CMKLR1: variants seen among roughly 807,000 people sequenced by gnomAD.
CMKLR1 encodes the protein chemerin-like receptor 1.
CMKLR1 carries 6 observed loss-of-function variants against 8.2 expected under a neutral mutation model. The observed-to-expected ratio is 0.73, with a 90% confidence interval of 0.40 to 1.44. The LOEUF is 1.44. Ranked by LOEUF, CMKLR1 falls within the 40% of genes most tolerant of loss-of-function variation. The pLI, the probability that CMKLR1 is intolerant of heterozygous loss-of-function variation, is 0.02. For synonymous variants in CMKLR1, 178 were observed against 181.2 expected, an observed-to-expected ratio of 0.98 and a Z score of 0.14; for missense variants, 429 against 478.0, an observed-to-expected ratio of 0.90 and a Z score of 0.96.
At chr12:108,328,049 C>T (rs545952830) in intron 2 of CMKLR1, among the ~76,000 whole-genome samples, 1 of 152,260 alleles carries the variant, frequency 6.6e-6, no homozygotes, top group East Asian at 1.9e-4. Context: ...TCCCCAGAGT[C>T]GTGTTTATGA....
chr12:108,337,017 A>C (rs187884748), intron 1 of CMKLR1, among the ~76,000 whole-genome samples: 1 of 152,384 alleles, frequency 6.6e-6, no homozygotes, highest in East Asian at 1.9e-4. Context: ...CTCAGTTGGC[A>C]GGTGGCAGGC....
Position 108,292,212 on chromosome 12 carries a change from G to A in CMKLR1, c.751C>T (p.Arg251Cys), listed in dbSNP as rs775282959. The A allele has an allele frequency of 2.9e-5, 47 of 1,613,954 alleles. No homozygotes were observed. The highest frequency in any genetic ancestry group is 1.6e-4 in the Middle Eastern group (1 of 6,084). The change falls in exon 4 of 4, where the codon CGC becomes TGC. Residue 251 changes from arginine to cysteine, a missense_variant. Transcript: ENST00000550402. ...AAGGGCTTCTTGGTCTTGGCCAGGC[G>A]GTTGCGCTGCAGTTTGCACACGATG... ...LTIVCKLQRN[R>C]LAKTKKPFKI...
At position 108,292,414 on chromosome 12, in the gene CMKLR1, C is replaced by A. The variant is rs1406357066; in HGVS notation, c.549G>T (p.Leu183=). ...TGTTGAAGCAGGATATTTTCCCATG[C>A]AGGTTGGCTGTGTCCCGGAAGACGA... ...PSLVFRDTAN[L]HGKISCFNNF... Residue 183 remains leucine, a synonymous_variant, in exon 4 of 4, where the codon CTG becomes CTT. Transcript: ENST00000550402. 1 of 1,614,008 alleles carries A rather than the reference C, an allele frequency of 6.2e-7. No individual in the cohort carries two copies. The highest frequency in any genetic ancestry group is 2.2e-5 in the East Asian group (1 of 44,884).
At chr12:108,331,252 T>G (rs1295168435) in intron 1 of CMKLR1, among the ~76,000 whole-genome samples, 1 of 152,138 alleles carries the variant, frequency 6.6e-6, no homozygotes, top group Non-Finnish European at 1.5e-5. Flanking sequence ...CATGCCGCCA[T>G]CCCCATTTCA....
chr12:108,307,556 T>C (rs1040707594), intron 2 of CMKLR1, among the ~76,000 whole-genome samples: 2 of 152,202 alleles, frequency 1.3e-5, no homozygotes, highest in Admixed American at 1.3e-4. Context: ...ACTCATCCGC[T>C]CTGGAGCCCT....
rs930445690 is a variant in CMKLR1 at position 108,316,611 on chromosome 12, A to T, written c.-74+13384T>A. Among the ~76,000 whole-genome samples, 4 of 152,332 alleles carry T rather than the reference A, an allele frequency of 2.6e-5. No homozygotes were observed. In the South Asian group the frequency reaches 8.3e-4, roughly 32 times the overall value. ...CTGCCAACCTCTGAGAAGGTTTAAC[A>T]AGACCCCATGGAGCCACCCGGTGTG... On this transcript the variant is annotated intron_variant, in intron 2 of 3. Transcript: ENST00000550402.
chr12:108,318,602 C>G (rs1891787649), intron 2 of CMKLR1, among the ~76,000 whole-genome samples: 1 of 152,056 alleles, frequency 6.6e-6, no homozygotes, highest in Admixed American at 6.5e-5. Context: ...TGCCTGAGGC[C>G]TCCTCGTCAC....
chr12:108,308,820 C>T (rs535471776), intron 2 of CMKLR1, among the ~76,000 whole-genome samples: 16 of 152,298 alleles, frequency 1.1e-4, no homozygotes, highest in African/African-American at 3.4e-4. Flanking sequence ...TCCATCCTTC[C>T]AAGAAATAGT....
chr12:108,324,446 G>C (rs1218661007), intron 2 of CMKLR1, among the ~76,000 whole-genome samples: 3 of 152,052 alleles, frequency 2.0e-5, no homozygotes, highest in Admixed American at 6.6e-5. Context: ...TATCATGTGG[G>C]AGCACTCCCC....
chr12:108,314,585 T>C (rs1891668497), intron 2 of CMKLR1, among the ~76,000 whole-genome samples: 1 of 152,202 alleles, frequency 6.6e-6, no homozygotes, highest in Non-Finnish European at 1.5e-5. Context: ...CACATCCAGG[T>C]GTATGCACTG....
chr12:108,292,569 T>C lies in CMKLR1; in HGVS notation c.394A>G (p.Ile132Val), dbSNP rs778450275. 1.9e-6 allele frequency: 3 copies of C among 1,614,086 alleles called. No homozygotes were observed. In the South Asian group the frequency reaches 3.3e-5, roughly 18 times the overall value. ...GAGATGCAGCGGTCAGAGCTGATGA[T>C]GGTCAGCAGGAAGACGCTGGTGAAC... is the stretch of plus-strand genomic sequence containing the variant. ...NMFTSVFLLTIISSDRCISVL... is the reference protein window; with the variant it reads ...NMFTSVFLLTVISSDRCISVL... The change falls in exon 4 of 4, where the codon ATC (isoleucine) becomes GTC (valine). Residue 132 changes from isoleucine to valine, a missense_variant. By Grantham distance (29) the Ile-to-Val change is conservative (BLOSUM62 3). Transcript: ENST00000550402.
In CMKLR1 at chr12:108,292,803, C is replaced by G. The variant is rs764818755; in HGVS notation, c.160G>C (p.Gly54Arg). 2 of 1,614,010 alleles carry G rather than the reference C, an allele frequency of 1.2e-6. No individual in the cohort carries two copies. The highest frequency in any genetic ancestry group is 2.7e-5 in the African/African-American group (2 of 74,900). Residue 54 changes from glycine (G) to arginine (R), a missense_variant, in exon 4 of 4, where the codon GGG becomes CGG. By Grantham distance (125) the Gly-to-Arg change is moderately radical (BLOSUM62 -2). Transcript: ENST00000550402. ...ATCACCAGACCATTGCCCAGAATCC[C>G]GAGGAAGCAGACGATGCTGTAGACC... ...VVVYSIVCFL[G>R]ILGNGLVIII...
intron 2 of CMKLR1, among the ~76,000 whole-genome samples, chr12:108,310,274 C>G (rs1891519733): frequency 6.6e-6 from 1 of 151,836 alleles, no homozygotes; most frequent in Non-Finnish European, 1.5e-5. Context: ...TGCAAGCCAT[C>G]AACTTTATCC....
chr12:108,304,128 G>A (rs1316764081), intron 2 of CMKLR1, among the ~76,000 whole-genome samples: 2 of 152,218 alleles, frequency 1.3e-5, no homozygotes, highest in Non-Finnish European at 2.9e-5. Context: ...TGCAGGGCTG[G>A]AGGACAGCAA....
intron 2 of CMKLR1, among the ~76,000 whole-genome samples, chr12:108,325,011 G>A (rs1482618142): frequency 6.6e-6 from 1 of 152,188 alleles, no homozygotes; most frequent in Non-Finnish European, 1.5e-5. Flanking sequence ...GAAGACCACA[G>A]CTGGTTCAGA....
chr12:108,311,186 GT>G (rs1168628087), intron 2 of CMKLR1, among the ~76,000 whole-genome samples: 1 of 152,218 alleles, frequency 6.6e-6, no homozygotes, highest in East Asian at 1.9e-4. Flanking sequence ...CACAAAGGAG[GT>G]TTTTGGCCAC....
chr12:108,313,828 C>T (rs1445816052), intron 2 of CMKLR1, among the ~76,000 whole-genome samples: 1 of 152,212 alleles, frequency 6.6e-6, no homozygotes, highest in Non-Finnish European at 1.5e-5. Context: ...GAAAGCTCTT[C>T]CTTTTTTTCA....
At chr12:108,321,778 C>T (rs1891867482) in intron 2 of CMKLR1, among the ~76,000 whole-genome samples, 1 of 152,202 alleles carries the variant, frequency 6.6e-6, no homozygotes, top group Non-Finnish European at 1.5e-5. Flanking sequence ...CCCCTTCCAG[C>T]CAAGGCTCTC....
At chr12:108,296,039 A>G (rs1414032899) in intron 2 of CMKLR1, among the ~76,000 whole-genome samples, 1 of 152,150 alleles carries the variant, frequency 6.6e-6, no homozygotes. Flanking sequence ...CCCCACCCCA[A>G]GACGCCTCTC....
Sources: gnomAD v4.1 joint callset for allele counts (sites outside exome capture counted in the v4.1 genomes callset) on GRCh38, gnomAD v4.1.1 for gene constraint, MANE v1.5 for transcripts, NCBI Gene and HGNC (gene_info 2026-07-23, HGNC 2026-07-21) for gene names.